Variants in GNA12 observed in about 807,000 individuals in gnomAD.
GNA12 encodes the protein guanine nucleotide-binding protein subunit alpha-12.
Under a neutral mutation model 26.0 loss-of-function variants are expected in GNA12, and 9 were observed. The ratio of observed to expected loss-of-function variants is 0.35; its 90% confidence interval spans 0.21 to 0.60. The LOEUF (loss-of-function observed/expected upper bound fraction) is 0.60. GNA12 is among the 20% of genes least tolerant of loss of function. GNA12 has a pLI of 0.78. For missense variants in GNA12, 405 were observed against 525.8 expected (o/e 0.77, Z 2.25); for synonymous variants, 264 against 219.6 (o/e 1.20, Z -1.79).
intron 2 of GNA12, among the ~76,000 whole-genome samples, chr7:2,753,534 T>C (rs927344461): frequency 5.9e-5 from 9 of 152,190 alleles, no homozygotes. Context: ...CCCTTTTTAC[T>C]GCTGGGAGAA....
At chr7:2,783,274 G>A (rs1438318386) in intron 2 of GNA12, among the ~76,000 whole-genome samples, 1 of 152,170 alleles carries the variant, frequency 6.6e-6, no homozygotes, top group Non-Finnish European at 1.5e-5. Context: ...TATGTTATCT[G>A]TTTGGTGTCA....
intron 1 of GNA12, among the ~76,000 whole-genome samples, chr7:2,823,698 T>TA (rs34502776): frequency 1.2e-4 from 18 of 148,936 alleles, no homozygotes; most frequent in South Asian, 2.1e-4. Flanking sequence ...CTAGGCAAGC[T>TA]AAAAAAAAAA....
intron 2 of GNA12, among the ~76,000 whole-genome samples, chr7:2,786,145 C>T (rs1792355877): frequency 6.6e-6 from 1 of 152,190 alleles, no homozygotes; most frequent in African/African-American, 2.4e-5. Flanking sequence ...TGTGGTGTTA[C>T]ACATGTAATA....
chr7:2,797,902 G>C (rs1792716642), intron 1 of GNA12, among the ~76,000 whole-genome samples: 1 of 152,090 alleles, frequency 6.6e-6, no homozygotes, highest in Admixed American at 6.5e-5. Context: ...TCAGAGTCTG[G>C]CTAGAAAGAC....
At chr7:2,812,636 AACATCACATCACATC>A (rs3831678) in intron 1 of GNA12, among the ~76,000 whole-genome samples, 2,703 of 134,178 alleles carry the variant, frequency 0.02, 69 homozygotes, top group African/African-American at 0.054. Context: ...TCTCAAAAAT[AACATCACATCACATC>A]ACATCACATC....
At chr7:2,756,539 C>T (rs550804142) in intron 2 of GNA12, among the ~76,000 whole-genome samples, 118 of 151,638 alleles carry the variant, frequency 7.8e-4, no homozygotes, top group Non-Finnish European at 1.3e-3. Context: ...CTCTTGAGCC[C>T]GGGAGGTCGA....
intron 2 of GNA12, among the ~76,000 whole-genome samples, chr7:2,793,819 T>C (rs1475433148): frequency 6.8e-6 from 1 of 146,906 alleles, no homozygotes; most frequent in African/African-American, 2.5e-5. Context: ...GAGGTGGAGG[T>C]TGCAGTGAGC....
At chr7:2,749,599 C>T (rs888980918) in intron 2 of GNA12, among the ~76,000 whole-genome samples, 1 of 151,840 alleles carries the variant, frequency 6.6e-6, no homozygotes, top group African/African-American at 2.4e-5. Flanking sequence ...CAACATGGCA[C>T]ATGTATACAT....
At chr7:2,737,274 GTTT>G (rs1041056812) in intron 2 of GNA12, among the ~76,000 whole-genome samples, 2 of 35,032 alleles carry the variant, frequency 5.7e-5, no homozygotes, top group Non-Finnish European at 1.2e-4. Flanking sequence ...GTTTTGTTTT[GTTT>G]TTTTTTTTTT....
At chr7:2,745,204 A>G (rs968761943) in intron 2 of GNA12, among the ~76,000 whole-genome samples, 5 of 152,246 alleles carry the variant, frequency 3.3e-5, no homozygotes, top group Non-Finnish European at 7.3e-5. Context: ...GGCAACTCCA[A>G]GACACATAAT....
At chr7:2,773,517 A>C (rs940804662) in intron 2 of GNA12, among the ~76,000 whole-genome samples, 2 of 152,180 alleles carry the variant, frequency 1.3e-5, no homozygotes, top group Non-Finnish European at 2.9e-5. Context: ...AGCCAAAATC[A>C]CACCACTGCA....
At chr7:2,828,185 C>T (rs1350485147) in intron 1 of GNA12, among the ~76,000 whole-genome samples, 2 of 152,146 alleles carry the variant, frequency 1.3e-5, no homozygotes, top group East Asian at 1.9e-4. Flanking sequence ...GAAATTAAAA[C>T]ACCTACAATT....
intron 2 of GNA12, among the ~76,000 whole-genome samples, chr7:2,788,381 G>A (rs944927828): frequency 1.3e-5 from 2 of 152,140 alleles, no homozygotes; most frequent in Admixed American, 1.3e-4. Context: ...GCACGTCTAG[G>A]AAGTCACTCT....
chr7:2,758,969 G>A (rs893530033), intron 2 of GNA12, among the ~76,000 whole-genome samples: 10 of 151,968 alleles, frequency 6.6e-5, no homozygotes, highest in South Asian at 4.2e-4. Flanking sequence ...GTGAAACACC[G>A]TCTCTACTAA....
intron 2 of GNA12, among the ~76,000 whole-genome samples, chr7:2,753,234 A>C (rs986049488): frequency 5.9e-5 from 9 of 152,156 alleles, no homozygotes; most frequent in Non-Finnish European, 1.0e-4. Context: ...GGCTCACTGC[A>C]AACTCTCCTC....
intron 2 of GNA12, among the ~76,000 whole-genome samples, chr7:2,735,755 C>T (rs1025454293): frequency 1.3e-5 from 2 of 152,112 alleles, no homozygotes; most frequent in African/African-American, 2.4e-5. Flanking sequence ...GCATGAGTGG[C>T]GGAGGAGAGG....
chr7:2,819,694 C>T (rs1364081535), intron 1 of GNA12, among the ~76,000 whole-genome samples: 1 of 152,084 alleles, frequency 6.6e-6, no homozygotes, highest in African/African-American at 2.4e-5. Flanking sequence ...CATTCACCAT[C>T]GAGGAAAGGC....
chr7:2,795,231 A>T lies in GNA12; in HGVS notation c.310-88T>A. On this transcript the variant is annotated intron_variant, in intron 1 of 3. Transcript: ENST00000275364. Reference sequence around the variant, plus strand: ...AAGCTCAAAATGGGCATCCATTGTCATAACGCAGAAAACTCACAAGCTCTG... The same window carrying T: ...AAGCTCAAAATGGGCATCCATTGTCTTAACGCAGAAAACTCACAAGCTCTG... The T allele has an allele frequency of 4.2e-6, 4 of 959,468 alleles. No individual in the cohort carries two copies. The South Asian group carries it at 5.8e-5, about 14-fold the overall frequency. The allele number at this position is 959,468 out of a possible 1,614,324, so 59.4% of individuals were successfully genotyped here. A position where few individuals can be genotyped will look rare whatever the true frequency, so the allele number is the denominator to read the frequency against.
At position 2,762,806 on chromosome 7, in the gene GNA12, G is replaced by T. The variant is rs550054060; in HGVS notation, c.526-29305C>A. 5 of 1,531,326 alleles carry T rather than the reference G, an allele frequency of 3.3e-6. No individual in the cohort carries two copies. The East Asian group carries it at 1.3e-4, about 39-fold the overall frequency. 94.9% of individuals were successfully genotyped at this position (1,531,326 alleles called of 1,614,324 possible). On this transcript the variant is annotated intron_variant, in intron 2 of 3. Coordinates refer to ENST00000275364, the MANE Select transcript of GNA12 (RefSeq NM_007353.3). ...ACAAAAGGGAGGAGGAGCACTCAGG[G>T]CGGCCTCCCATCCGCCACACACCCA...
Sources: gnomAD v4.1 joint callset for allele counts (sites outside exome capture counted in the v4.1 genomes callset) on GRCh38, gnomAD v4.1.1 for gene constraint, MANE v1.5 for transcripts, NCBI Gene and HGNC (gene_info 2026-07-23, HGNC 2026-07-21) for gene names.